Variants in TXNDC16 observed in about 807,000 individuals in gnomAD.
TXNDC16 encodes thioredoxin domain-containing protein 16.
Under a neutral mutation model 85.6 loss-of-function variants are expected in TXNDC16, and 74 were observed. The observed-to-expected ratio is 0.86, with a 90% CI of 0.72 to 1.05. The LOEUF (loss-of-function observed/expected upper bound fraction) is 1.05. Among genes scored for constraint, TXNDC16 ranks in the 50% least tolerant of loss-of-function variants. TXNDC16 has a pLI of 0.00. For synonymous variants in TXNDC16, 335 were observed against 326.5 expected (o/e 1.03, Z -0.28); for missense variants, 959 against 947.0 (o/e 1.01, Z -0.17).
intron 6 of TXNDC16, among the ~76,000 whole-genome samples, chr14:52,520,073 T>C (rs1483426156): frequency 6.6e-6 from 1 of 152,238 alleles, no homozygotes; most frequent in Non-Finnish European, 1.5e-5. Context: ...TAAACATTTA[T>C]TGAATGAATG....
intron 9 of TXNDC16, among the ~76,000 whole-genome samples, chr14:52,493,416 G>C (rs891638942): frequency 6.6e-6 from 1 of 151,952 alleles, no homozygotes; most frequent in Admixed American, 6.6e-5. Context: ...AGACTATGTG[G>C]GAAGAAGAAA....
rs769140365 is a variant in TXNDC16 at position 52,457,196 on chromosome 14, A to G, written c.1619-22T>C. 2.2e-6 allele frequency: 3 copies of G among 1,384,848 alleles called. No individual in the cohort carries two copies. In the South Asian group the frequency reaches 3.9e-5, roughly 18 times the overall value. The allele number at this position is 1,384,848 out of a possible 1,614,324, so 85.8% of individuals were successfully genotyped here. ...TTTGCTATAAATACATAGAGAAGAC[A>G]AAAATCTGAAACCTTTATAATTATG... is the stretch of plus-strand genomic sequence containing the variant. On this transcript the variant is annotated intron_variant, in intron 16 of 20. Transcript: ENST00000281741.
At chr14:52,471,396 A>AT (rs1396958006) in intron 14 of TXNDC16, among the ~76,000 whole-genome samples, 1 of 152,190 alleles carries the variant, frequency 6.6e-6, no homozygotes. Flanking sequence ...AATGCTAGAG[A>AT]TATCTTTTCA....
intron 7 of TXNDC16, among the ~76,000 whole-genome samples, chr14:52,516,382 C>T (rs1381028961): frequency 2.0e-5 from 3 of 152,170 alleles, no homozygotes; most frequent in African/African-American, 7.2e-5. Context: ...CTAGTCATTT[C>T]CCATTTCCCC....
At chr14:52,508,392 C>T (rs1323947336) in intron 9 of TXNDC16, among the ~76,000 whole-genome samples, 4 of 152,072 alleles carry the variant, frequency 2.6e-5, no homozygotes, top group Non-Finnish European at 4.4e-5. Flanking sequence ...GTTAGAATGG[C>T]GATCATTAAA....
chr14:52,517,326 G>C (rs1042430108), intron 7 of TXNDC16, among the ~76,000 whole-genome samples: 1 of 152,098 alleles, frequency 6.6e-6, no homozygotes, highest in Non-Finnish European at 1.5e-5. Flanking sequence ...GAGAGGGGGA[G>C]GGAAGCCAAA....
chr14:52,493,214 T>TAC (rs1189361939), intron 9 of TXNDC16, among the ~76,000 whole-genome samples: 9 of 114,624 alleles, frequency 7.9e-5, no homozygotes, highest in South Asian at 2.6e-4. Flanking sequence ...TATATATATA[T>TAC]ATACACACAC....
intron 6 of TXNDC16, among the ~76,000 whole-genome samples, chr14:52,529,255 C>T (rs1224626991): frequency 6.8e-6 from 1 of 147,108 alleles, no homozygotes; most frequent in Non-Finnish European, 1.5e-5. Context: ...CATGTTCTCA[C>T]ACATAGGTGG....
intron 9 of TXNDC16, among the ~76,000 whole-genome samples, chr14:52,499,514 C>T (rs2036607098): frequency 6.6e-6 from 1 of 151,068 alleles, no homozygotes; most frequent in Non-Finnish European, 1.5e-5. Context: ...AATGGCCAAG[C>T]ATATGAGACG....
chr14:52,448,585 A>C (rs1442522259), intron 18 of TXNDC16, among the ~76,000 whole-genome samples: 8 of 152,152 alleles, frequency 5.3e-5, no homozygotes, highest in Admixed American at 6.5e-5. Context: ...AGCAATAAAA[A>C]TTCATCTAAA....
In TXNDC16 at chr14:52,432,011, A is replaced by C; in HGVS notation, c.*293T>G. On this transcript the variant is annotated 3_prime_UTR_variant, in exon 21 of 21. Transcript: ENST00000281741. ...GCAGTAAGTATAAAATATGTACTGC[A>C]TTTAGAAGACTTGGTACAAAAAAGG... is the stretch of plus-strand genomic sequence containing the variant. The C allele has an allele frequency of 3.9e-6, 1 of 255,590 alleles. No individual in the cohort carries two copies. Among genetic ancestry groups the C allele is most frequent in the Non-Finnish European group, 7.4e-6 (1 of 135,876 alleles). The allele number at this position is 255,590 out of a possible 1,614,324, so 15.8% of individuals were successfully genotyped here.
At chr14:52,505,039 C>T (rs1034190560) in intron 9 of TXNDC16, among the ~76,000 whole-genome samples, 19 of 152,156 alleles carry the variant, frequency 1.2e-4, no homozygotes, top group African/African-American at 4.1e-4. Context: ...AATATATATG[C>T]GCCCAATATA....
intron 7 of TXNDC16, among the ~76,000 whole-genome samples, chr14:52,515,666 C>CAT (rs200196021): frequency 0.022 from 2,391 of 109,714 alleles, 56 homozygotes; most frequent in East Asian, 0.087. Flanking sequence ...TTATTTCATA[C>CAT]ATATGTGTGT....
chr14:52,547,525 GTGT>G (rs923096312), intron 1 of TXNDC16, among the ~76,000 whole-genome samples: 11 of 152,170 alleles, frequency 7.2e-5, no homozygotes, highest in East Asian at 1.9e-4. Context: ...TGTGTTAGGA[GTGT>G]TGTTGTTGTT....
At chr14:52,508,192 C>A (rs890917416) in intron 9 of TXNDC16, among the ~76,000 whole-genome samples, 3 of 152,182 alleles carry the variant, frequency 2.0e-5, no homozygotes, top group African/African-American at 7.2e-5. Flanking sequence ...TATCCAGAAT[C>A]TACAATGAAC....
At chr14:52,499,714 C>G (rs2036614076) in intron 9 of TXNDC16, among the ~76,000 whole-genome samples, 1 of 151,962 alleles carries the variant, frequency 6.6e-6, no homozygotes, top group African/African-American at 2.4e-5. Context: ...GGTGCAGGCA[C>G]TATGAAAACA....
chr14:52,482,289 C>T lies in TXNDC16; in HGVS notation c.1253G>A (p.Trp418Ter). Reference protein sequence around the residue: ...SDSIVLFYAGWQAVSMAFLQS... With the variant: ...SDSIVLFYAG ...CAAAAATGCCATGGATACTGCTTGC[C>T]CTATATGAAAATTAAAAATTCAACA... is the stretch of plus-strand genomic sequence containing the variant. Residue 418 changes from tryptophan to a stop codon, truncating the protein, a stop_gained and splice_region_variant, in exon 14 of 21, where the codon TGG becomes TAG. Transcript: ENST00000281741. LOFTEE classifies it high-confidence loss of function. 6.2e-7 allele frequency: 1 copy of T among 1,610,174 alleles called. No individual in the cohort carries two copies. Among genetic ancestry groups the T allele is most frequent in the East Asian group, 2.2e-5 (1 of 44,744 alleles).
intron 6 of TXNDC16, among the ~76,000 whole-genome samples, chr14:52,531,038 C>A (rs1566583801): frequency 6.6e-6 from 1 of 152,076 alleles, no homozygotes; most frequent in African/African-American, 2.4e-5. Context: ...TTGACCTCAT[C>A]ATAGATAGAC....
At chr14:52,447,876 G>C (rs1362195907) in intron 18 of TXNDC16, among the ~76,000 whole-genome samples, 2 of 151,992 alleles carry the variant, frequency 1.3e-5, no homozygotes, top group African/African-American at 4.8e-5. Context: ...AAATTCTGGA[G>C]CTCAAAAATG....
Sources: allele counts gnomAD v4.1 joint callset (sites outside exome capture counted in the v4.1 genomes callset), GRCh38; gene constraint gnomAD v4.1.1; transcripts MANE v1.5; gene names NCBI Gene and HGNC (gene_info 2026-07-23, HGNC 2026-07-21).